Variants in CADM2 observed in about 807,000 individuals in gnomAD.
The protein encoded by CADM2 is cell adhesion molecule 2, also known as immunoglobulin superfamily member 4D.
A neutral mutation model predicts 49.8 loss-of-function variants in CADM2; 12 were observed. The observed-to-expected ratio is 0.24, with a 90% confidence interval of 0.15 to 0.39. The LOEUF (loss-of-function observed/expected upper bound fraction) is 0.39, where lower values mean the gene tolerates loss of function less well. Among genes scored for constraint, CADM2 ranks in the 10% least tolerant of loss-of-function variants. The probability of loss-of-function intolerance (pLI) is 1.00; values close to 1 mark genes in which losing one functional copy is unlikely to be tolerated. For synonymous variants in CADM2, 214 were observed against 175.4 expected (o/e 1.22, Z -1.74); for missense variants, 378 against 492.3 (o/e 0.77, Z 2.20).
At chr3:86,039,623 G>A (rs1432801201) in intron 8 of CADM2, among the ~76,000 whole-genome samples, 1 of 152,192 alleles carries the variant, frequency 6.6e-6, no homozygotes, top group East Asian at 1.9e-4. Context: ...AGCTCAAGGA[G>A]GCCTGCTGGC....
At chr3:85,142,122 C>T (rs999257372) in intron 1 of CADM2, among the ~76,000 whole-genome samples, 5 of 152,168 alleles carry the variant, frequency 3.3e-5, no homozygotes, top group African/African-American at 7.2e-5. Context: ...GAAGTAATTG[C>T]GGTTTTTACC....
intron 1 of CADM2, among the ~76,000 whole-genome samples, chr3:85,029,973 T>G (rs1032226584): frequency 1.6e-4 from 24 of 152,340 alleles, no homozygotes; most frequent in African/African-American, 5.5e-4. Context: ...CTGGGCATCA[T>G]GCTAAAGTAT....
chr3:85,060,586 T>A (rs1025672871), intron 1 of CADM2, among the ~76,000 whole-genome samples: 1 of 152,224 alleles, frequency 6.6e-6, no homozygotes, highest in Admixed American at 6.6e-5. Context: ...ATACAAATCA[T>A]TAATTGAAAA....
chr3:85,349,213 C>T (rs1380946912), intron 1 of CADM2, among the ~76,000 whole-genome samples: 2 of 152,134 alleles, frequency 1.3e-5, no homozygotes, highest in African/African-American at 2.4e-5. Flanking sequence ...ACAGCCTCTC[C>T]GCGTTTATTA....
chr3:85,817,377 A>G (rs2073274544), intron 3 of CADM2, among the ~76,000 whole-genome samples: 1 of 141,454 alleles, frequency 7.1e-6, no homozygotes, highest in South Asian at 2.4e-4. Context: ...TTGCATTTGG[A>G]CTTTCAAAGT....
At chr3:85,166,618 T>C (rs2040476170) in intron 1 of CADM2, among the ~76,000 whole-genome samples, 1 of 151,950 alleles carries the variant, frequency 6.6e-6, no homozygotes. Context: ...TAAAATTTGA[T>C]TTGGAGAAAG....
At chr3:85,716,489 T>C (rs1222069306) in intron 1 of CADM2, among the ~76,000 whole-genome samples, 1 of 152,186 alleles carries the variant, frequency 6.6e-6, no homozygotes, top group East Asian at 1.9e-4. Flanking sequence ...CTTTTGCTCT[T>C]CAGAAGTTCT....
chr3:85,348,777 C>T (rs2031036194), intron 1 of CADM2, among the ~76,000 whole-genome samples: 1 of 152,014 alleles, frequency 6.6e-6, no homozygotes, highest in South Asian at 2.1e-4. Context: ...ACAATCTTAA[C>T]ACAAAAATTC....
intron 1 of CADM2, among the ~76,000 whole-genome samples, chr3:85,587,470 G>A (rs2107324079): frequency 6.6e-6 from 1 of 152,134 alleles, no homozygotes; most frequent in East Asian, 1.9e-4. Context: ...TGGGAAAATT[G>A]TCTTGACATG....
intron 1 of CADM2, among the ~76,000 whole-genome samples, chr3:85,375,823 C>T (rs1201202734): frequency 1.3e-5 from 2 of 152,046 alleles, no homozygotes; most frequent in Non-Finnish European, 2.9e-5. Flanking sequence ...CACTTCAATA[C>T]CATTTTGTTC....
chr3:85,583,403 G>A (rs187823683), intron 1 of CADM2, among the ~76,000 whole-genome samples: 2 of 152,134 alleles, frequency 1.3e-5, no homozygotes, highest in Admixed American at 6.5e-5. Flanking sequence ...TTCTGGAAAC[G>A]ACTGTCCTAC....
chr3:85,037,252 G>A (rs6549009), intron 1 of CADM2, among the ~76,000 whole-genome samples: 113,574 of 152,116 alleles, frequency 0.75, 43,787 homozygotes, highest in African/African-American at 0.93. Context: ...AGTTATAGTG[G>A]TACATATGAA....
intron 1 of CADM2, among the ~76,000 whole-genome samples, chr3:85,576,577 CT>C (rs2062639753): frequency 6.6e-6 from 1 of 152,166 alleles, no homozygotes; most frequent in African/African-American, 2.4e-5. Context: ...TATAAAGTAA[CT>C]AGATTTTCTC....
rs3083491 is a variant in CADM2 at position 85,144,245 on chromosome 3, GCACACA to G, written c.61+184598_61+184603del. Among the ~76,000 whole-genome samples, 78 of 149,038 alleles carry G rather than the reference GCACACA, an allele frequency of 5.2e-4. No homozygotes were observed. In the East Asian group the frequency reaches 0.012, roughly 23 times the overall value. On this transcript the variant is annotated intron_variant, in intron 1 of 9. Transcript: ENST00000383699. Reference sequence around the variant, plus strand: ...CCATCTAAAGTATTTTGTTACACACGCACACACACACACACACACACACACATGTGC... The same window carrying G: ...CCATCTAAAGTATTTTGTTACACACGCACACACACACACACACACATGTGC...
chr3:85,050,031 G>A (rs1389033465), intron 1 of CADM2, among the ~76,000 whole-genome samples: 1 of 151,770 alleles, frequency 6.6e-6, no homozygotes, highest in Non-Finnish European at 1.5e-5. Context: ...CATTTCATCG[G>A]CCTTCTTGGG....
chr3:85,384,927 A>ATTAT (rs1381201049), intron 1 of CADM2, among the ~76,000 whole-genome samples: 12 of 151,968 alleles, frequency 7.9e-5, no homozygotes, highest in Non-Finnish European at 1.0e-4. Context: ...TGTTTACTTT[A>ATTAT]TTATTTATTT....
chr3:85,734,082 C>T (rs1355436091), intron 2 of CADM2, among the ~76,000 whole-genome samples: 1 of 152,156 alleles, frequency 6.6e-6, no homozygotes, highest in African/African-American at 2.4e-5. Flanking sequence ...ATGTAATTTA[C>T]TGTATTTCAA....
chr3:85,837,191 G>A (rs922742479), intron 3 of CADM2, among the ~76,000 whole-genome samples: 1 of 151,500 alleles, frequency 6.6e-6, no homozygotes, highest in Non-Finnish European at 1.5e-5. Context: ...ACTACTTCAT[G>A]TGTTATAATG....
Position 86,071,853 on chromosome 3 carries a change from A to G in CADM2, c.*5070A>G, listed in dbSNP as rs1043019487. 1.3e-5 allele frequency: 2 copies of G among 151,992 alleles called. No homozygotes were observed. Among genetic ancestry groups the G allele is most frequent in the African/African-American group, 4.8e-5 (2 of 41,446 alleles). The allele number at this position is 151,992 out of a possible 1,614,324, so 9.4% of individuals were successfully genotyped here. On this transcript the variant is annotated 3_prime_UTR_variant, in exon 10 of 10. Coordinates refer to ENST00000383699, the MANE Select transcript of CADM2 (RefSeq NM_001167675.2). ...TAATATAATTGTATTGGTTTTTAAA[A>G]ATAATTAAAATGGCAACACTTTGCG...
Sources: gnomAD v4.1 joint callset for allele counts (sites outside exome capture counted in the v4.1 genomes callset) on GRCh38, gnomAD v4.1.1 for gene constraint, MANE v1.5 for transcripts, NCBI Gene and HGNC (gene_info 2026-07-23, HGNC 2026-07-21) for gene names.